HBP1: variants seen among roughly 807,000 people sequenced by gnomAD.
The protein encoded by HBP1 is HMG box-containing protein 1.
Under a neutral mutation model 62.6 loss-of-function variants are expected in HBP1, and 20 were observed. The observed-to-expected ratio is 0.32, with a 90% CI of 0.22 to 0.46. The LOEUF (loss-of-function observed/expected upper bound fraction) is 0.46. Ranked by LOEUF, HBP1 falls within the 20% of genes least tolerant of loss-of-function variation. The pLI, the probability that HBP1 is intolerant of heterozygous loss-of-function variation, is 1.00. For synonymous variants in HBP1, 232 were observed against 206.2 expected, an observed-to-expected ratio of 1.12 and a Z score of -1.07; for missense variants, 480 against 611.8, an observed-to-expected ratio of 0.78 and a Z score of 2.27.
intron 3 of HBP1, among the ~76,000 whole-genome samples, chr7:107,184,684 G>A (rs1424386291): frequency 6.6e-6 from 1 of 152,046 alleles, no homozygotes; most frequent in Non-Finnish European, 1.5e-5. Flanking sequence ...CTGGTTTTTT[G>A]TATTTTAAGT....
At position 107,171,069 on chromosome 7, in the gene HBP1, A is replaced by ATTTTTTTTTT. The variant is rs1292839546; in HGVS notation, c.-16+1885_-16+1886insTTTTTTTTTT. 1.0e-3 allele frequency among the ~76,000 whole-genome samples: 74 copies of ATTTTTTTTTT among 72,374 alleles called. 12 individuals carry two copies. Among genetic ancestry groups the ATTTTTTTTTT allele is most frequent in the African/African-American group, 7.3e-3 (69 of 9,412 alleles). The allele number at this position is 72,374 out of a possible 152,430, so 47.5% of individuals were successfully genotyped here. A position where few individuals can be genotyped will look rare whatever the true frequency, so the allele number is the denominator to read the frequency against. On this transcript the variant is annotated intron_variant, in intron 1 of 10. Transcript: ENST00000222574. ...TAAATATATATATATATATATATAT[A>ATTTTTTTTTT]TATATTTTTTTTTTTTTTTGAGAGG...
At chr7:107,180,675 G>A (rs897765990) in intron 2 of HBP1, among the ~76,000 whole-genome samples, 1 of 152,136 alleles carries the variant, frequency 6.6e-6, no homozygotes, top group African/African-American at 2.4e-5. Flanking sequence ...AAAAACCCTG[G>A]GGAGAAGATA....
chr7:107,169,857 T>A, intron 1 of HBP1: 2 of 984,762 alleles, frequency 2.0e-6, no homozygotes, highest in East Asian at 1.1e-4. Context: ...GGGTGGGGGA[T>A]GGACTTGGCG....
chr7:107,170,024 T>C (rs1796479150), intron 1 of HBP1: 2 of 985,378 alleles, frequency 2.0e-6, no homozygotes, highest in Non-Finnish European at 2.4e-6. Flanking sequence ...CTTTAAATGC[T>C]GCGTGCTGTC....
At chr7:107,169,309 T>G (rs1584465967) in intron 1 of HBP1, 124 bp downstream of exon 1, 1 of 378,346 alleles carries the variant, frequency 2.6e-6, no homozygotes, top group Non-Finnish European at 3.8e-6. Flanking sequence ...GCCCTTGGGG[T>G]GGGGGCAGTT....
chr7:107,182,334 T>C, intron 2 of HBP1, 39 bp from the exon 3 acceptor site: 1 of 1,100,528 alleles, frequency 9.1e-7, no homozygotes, highest in Non-Finnish European at 1.4e-6. Flanking sequence ...CTTGTATTAG[T>C]AATTTCCTTT....
chr7:107,194,566 A>T (rs573861639), intron 8 of HBP1, among the ~76,000 whole-genome samples: 1 of 152,330 alleles, frequency 6.6e-6, no homozygotes, highest in African/African-American at 2.4e-5. Flanking sequence ...GGTAGAAGTC[A>T]TTTACTGTGT....
intron 1 of HBP1, chr7:107,169,908 C>T (rs1161265018): frequency 2.0e-6 from 2 of 985,384 alleles, no homozygotes; most frequent in African/African-American, 3.5e-5. Flanking sequence ...AAAGAGGAGG[C>T]TTGGCAGGCG....
chr7:107,185,505 T>C lies in HBP1; in HGVS notation c.399-296T>C, dbSNP rs554711517. ...GGTATTATCATTCACAAACGAAATA[T>C]ACACATGTATATGTATTGATAGAAA... On this transcript the variant is annotated intron_variant, in intron 3 of 10. Transcript: ENST00000222574. Among the ~76,000 whole-genome samples, 257 of 152,256 alleles carry C rather than the reference T, an allele frequency of 1.7e-3. 2 individuals are homozygous for C. Among genetic ancestry groups the C allele is most frequent in the Non-Finnish European group, 2.9e-3 (194 of 68,006 alleles).
At chr7:107,197,021 G>C (rs1453355865) in intron 9 of HBP1, 1 of 152,140 alleles carries the variant, frequency 6.6e-6, no homozygotes, top group Non-Finnish European at 1.5e-5. Context: ...ATTGTACGGG[G>C]AACTGGCAAT....
chr7:107,170,122 G>T, intron 1 of HBP1: 1 of 984,898 alleles, frequency 1.0e-6, no homozygotes, highest in Non-Finnish European at 1.2e-6. Flanking sequence ...AAGGAGCACT[G>T]ACAGCGAGGT....
In HBP1 at chr7:107,185,881, A is replaced by C. The variant is rs1234276247; in HGVS notation, c.479A>C (p.Lys160Thr). The C allele has an allele frequency of 6.2e-7, 1 of 1,612,936 alleles. No individual in the cohort carries two copies. The highest frequency in any genetic ancestry group is 1.1e-5 in the South Asian group (1 of 91,064). Residue 160 changes from lysine to threonine, a missense_variant, in exon 4 of 11, where the codon AAG becomes ACG. Coordinates refer to ENST00000222574, the MANE Select transcript of HBP1 (RefSeq NM_012257.4). ...CCTCCACCAGTGTCCTCTTCTTCGAAGAGTGAACCAGCCTTCCCTCATCAC... is the reference window on the plus strand; with the variant it reads ...CCTCCACCAGTGTCCTCTTCTTCGACGAGTGAACCAGCCTTCCCTCATCAC... ...ARPPPVSSSS[K>T]SEPAFPHHHW...
chr7:107,201,484 T>C lies in HBP1; in HGVS notation c.*53T>C, dbSNP rs987092102. The C allele has an allele frequency of 2.4e-5, 28 of 1,166,732 alleles. No individual in the cohort carries two copies. Among genetic ancestry groups the C allele is most frequent in the Non-Finnish European group, 3.3e-5 (26 of 779,052 alleles). The allele number at this position is 1,166,732 out of a possible 1,614,324, so 72.3% of individuals were successfully genotyped here. The stretch of plus-strand genomic sequence containing the variant: ...TATTTGCATATACATTGACTCTTGA[T>C]GGAAAGACTTAAGAAGATCAAGGTC... On this transcript the variant is annotated 3_prime_UTR_variant, in exon 11 of 11. Transcript: ENST00000222574.
At position 107,201,433 on chromosome 7, in the gene HBP1, C is replaced by A. The variant is rs1666278542; in HGVS notation, c.*2C>A. On this transcript the variant is annotated 3_prime_UTR_variant, in exon 11 of 11. Coordinates refer to ENST00000222574, the MANE Select transcript of HBP1 (RefSeq NM_012257.4). ...CCACAGGGCTCACAACAACATTAAA[C>A]CAGGATGCTTATGTTCTTAAGTCTA... 2 of 1,573,232 alleles carry A rather than the reference C, an allele frequency of 1.3e-6. No individual in the cohort carries two copies. The highest frequency in any genetic ancestry group is 8.7e-7 in the Non-Finnish European group (1 of 1,144,408).
chr7:107,172,784 G>T (rs576527667), intron 1 of HBP1, among the ~76,000 whole-genome samples: 272 of 152,126 alleles, frequency 1.8e-3, no homozygotes, highest in Non-Finnish European at 3.0e-3. Flanking sequence ...TTAGAGATGG[G>T]ATCTTGCTAT....
chr7:107,178,809 G>C (rs912741862), intron 1 of HBP1, among the ~76,000 whole-genome samples: 2 of 152,168 alleles, frequency 1.3e-5, no homozygotes, highest in African/African-American at 2.4e-5. Context: ...GAGGCGGGTG[G>C]ATCACCTGAG....
chr7:107,175,716 CTTTT>C (rs1215594002), intron 1 of HBP1, among the ~76,000 whole-genome samples: 2 of 136,494 alleles, frequency 1.5e-5, no homozygotes, highest in Non-Finnish European at 3.2e-5. Context: ...TCCCTCTCTT[CTTTT>C]TTTTTTTTTT....
rs754641951 is a variant in HBP1, at chr7:107,185,830, G to A, written c.428G>A (p.Ser143Asn). 4 of 1,613,706 alleles carry A rather than the reference G, an allele frequency of 2.5e-6. No homozygotes were observed. Among genetic ancestry groups the A allele is most frequent in the Non-Finnish European group, 3.4e-6 (4 of 1,179,644 alleles). ...TCTCCTGTACACATCATAGCCACTA[G>A]CAAAAGTTTACATTCCTATGCACGC... is the stretch of plus-strand genomic sequence containing the variant. ...RSSPVHIIAT[S>N]KSLHSYARPP... The change falls in exon 4 of 11, where the codon AGC becomes AAC. Residue 143 changes from serine to asparagine, a missense_variant. This residue lies in a region of HBP1 where 304 missense variants were observed against 330.9 expected (regional missense o/e 0.92). Transcript: ENST00000222574.
intron 4 of HBP1, among the ~76,000 whole-genome samples, 179 bp from the exon 5 acceptor site, chr7:107,186,182 T>TA (rs1797365968): frequency 6.7e-6 from 1 of 148,814 alleles, no homozygotes; most frequent in South Asian, 2.1e-4. Flanking sequence ...TTTTTTTTTT[T>TA]AGCAAATTCT....
Sources: gnomAD v4.1 joint callset for allele counts (sites outside exome capture counted in the v4.1 genomes callset) on GRCh38, gnomAD v4.1.1 for gene constraint, gnomAD v4.1.1 regional missense constraint, MANE v1.5 for transcripts, NCBI Gene and HGNC (gene_info 2026-07-23, HGNC 2026-07-21) for gene names.